The following MCF2 variants were observed in gnomAD, a reference collection of about 807,000 sequenced individuals.
The protein encoded by MCF2 is MCF.2 cell line derived transforming sequence, also known as proto-oncogene DBL.
MCF2 carries 44 observed loss-of-function variants against 82.5 expected under a neutral mutation model. That is an observed-to-expected ratio of 0.53 (90% CI 0.42 to 0.69). MCF2 has a LOEUF of 0.69. MCF2 is among the 30% of genes least tolerant of loss of function. The probability of loss-of-function intolerance (pLI) is 0.00; values close to 1 mark genes in which losing one functional copy is unlikely to be tolerated. For missense variants in MCF2, 623 were observed against 663.1 expected (o/e 0.94, Z 0.66); for synonymous variants, 217 against 224.9 (o/e 0.96, Z 0.32).
intron 1 of MCF2, among the ~76,000 whole-genome samples, chrX:139,660,153 A>G (rs1417746999): frequency 8.9e-6 from 1 of 111,823 alleles, no homozygotes; most frequent in Non-Finnish European, 1.9e-5. Flanking sequence ...AGATTCAGCA[A>G]AGCTTTTACC....
chrX:139,671,465 T>C (rs1484144177), intron 1 of MCF2, among the ~76,000 whole-genome samples: 2 of 111,931 alleles, frequency 1.8e-5, no homozygotes, highest in African/African-American at 6.5e-5. Flanking sequence ...TTTAAGTCTT[T>C]AATCCATCTT....
chrX:139,596,701 C>T lies in MCF2; in HGVS notation c.2125G>A (p.Gly709Ser). ...GCCAAATCCTTCATTTTTGTAGCAC[C>T]TTTCTTGTGCCCTATCCAAACGCTG... is the stretch of plus-strand genomic sequence containing the variant. The change falls in exon 19 of 25, where the codon GGT becomes AGT. Residue 709 changes from glycine (G) to serine (S), a missense_variant. By Grantham distance (56) the Gly-to-Ser change is moderately conservative. Coordinates refer to ENST00000370576, the Ensembl canonical transcript of MCF2. The T allele has an allele frequency of 3.3e-6, 4 of 1,209,722 alleles. No individual in the cohort carries two copies. The highest frequency in any genetic ancestry group is 4.5e-6 in the Non-Finnish European group (4 of 894,120).
At chrX:139,680,657 C>T (rs1432164021) in intron 1 of MCF2, among the ~76,000 whole-genome samples, 3 of 111,764 alleles carry the variant, frequency 2.7e-5, no homozygotes, top group African/African-American at 9.8e-5. Context: ...TTTATTATGG[C>T]ATCAGACCTT....
At chrX:139,598,188 G>A (rs989232335) in intron 17 of MCF2, among the ~76,000 whole-genome samples, 3 of 111,946 alleles carry the variant, frequency 2.7e-5, no homozygotes, top group Non-Finnish European at 5.6e-5. Context: ...AAATTAAATA[G>A]CTAAGATCCC....
At chrX:139,595,291 A>G (rs1366621364) in intron 19 of MCF2, among the ~76,000 whole-genome samples, 1 of 110,160 alleles carries the variant, frequency 9.1e-6, no homozygotes, top group Non-Finnish European at 1.9e-5. Flanking sequence ...TATTTATTGC[A>G]GCACTATTCA....
chrX:139,647,670 G>T (rs929226086), upstream of MCF2, among the ~76,000 whole-genome samples: 1 of 111,250 alleles, frequency 9.0e-6, no homozygotes, highest in African/African-American at 3.3e-5. Flanking sequence ...CAGGAATAAT[G>T]GTAACTGTCA....
chrX:139,654,619 C>T (rs1294610322), intron 1 of MCF2, among the ~76,000 whole-genome samples: 1 of 111,711 alleles, frequency 9.0e-6, no homozygotes, highest in African/African-American at 3.3e-5. Flanking sequence ...TGATTGTTTC[C>T]TTTGCTATGC....
chrX:139,648,908 CTGAT>C (rs769001047), intron 2 of MCF2, among the ~76,000 whole-genome samples: 1 of 112,033 alleles, frequency 8.9e-6, no homozygotes, highest in South Asian at 3.7e-4. Context: ...AAAGCAAAAA[CTGAT>C]AGAGTGGCAA....
chrX:139,615,751 AT>A (rs1203412161), intron 9 of MCF2, among the ~76,000 whole-genome samples: 1 of 112,076 alleles, frequency 8.9e-6, no homozygotes, highest in Non-Finnish European at 1.9e-5. Context: ...TCTTCATGTC[AT>A]TTCCAAGGGG....
chrX:139,667,891 C>T (rs566791509), intron 1 of MCF2, among the ~76,000 whole-genome samples: 1 of 112,123 alleles, frequency 8.9e-6, no homozygotes, highest in Non-Finnish European at 1.9e-5. Context: ...CATGCTGGCT[C>T]ATGCCTGTAA....
intron 1 of MCF2, among the ~76,000 whole-genome samples, chrX:139,659,822 C>G (rs769892608): frequency 2.1e-4 from 24 of 112,090 alleles, no homozygotes; most frequent in Non-Finnish European, 4.3e-4. Flanking sequence ...TCATTGCCAC[C>G]ACCAATATGA....
At chrX:139,601,099 A>G (rs966287953) in intron 16 of MCF2, among the ~76,000 whole-genome samples, 4 of 111,347 alleles carry the variant, frequency 3.6e-5, no homozygotes, top group Non-Finnish European at 7.6e-5. Flanking sequence ...TAGAAAGTAG[A>G]GTAATAAGAC....
At chrX:139,644,152 C>G (rs1360972239), upstream of MCF2, among the ~76,000 whole-genome samples, 4 of 112,184 alleles carry the variant, frequency 3.6e-5, no homozygotes, top group African/African-American at 1.3e-4. Context: ...TTACCTTTAT[C>G]TAAATAACAT....
At chrX:139,585,422 C>T (rs1928864279) in intron 23 of MCF2, among the ~76,000 whole-genome samples, 1 of 111,884 alleles carries the variant, frequency 8.9e-6, no homozygotes, top group Admixed American at 9.5e-5. Context: ...GGCATTAGTA[C>T]TATGCTCTCT....
At chrX:139,585,326 A>C in intron 23 of MCF2, 148 bp from the exon 28 acceptor site, 3 of 427,021 alleles carry the variant, frequency 7.0e-6, no homozygotes, top group East Asian at 3.8e-5. Context: ...AACAGATCTC[A>C]TCCTGGCCAC....
intron 1 of MCF2, among the ~76,000 whole-genome samples, chrX:139,697,211 G>A (rs1053821612): frequency 3.1e-4 from 35 of 112,144 alleles, no homozygotes; most frequent in Middle Eastern, 4.6e-3. Flanking sequence ...ACCAATGAAA[G>A]GTAGAGATTA....
intron 16 of MCF2, 36 bp from the exon 21 acceptor site, chrX:139,598,534 T>C: frequency 2.5e-6 from 2 of 811,269 alleles, no homozygotes; most frequent in Non-Finnish European, 3.5e-6. Flanking sequence ...AAAATTAAAT[T>C]AAGACATGTA....
exon 6 of MCF2, chrX:139,626,198 G>T (rs767800503): frequency 1.7e-6 from 2 of 1,168,267 alleles, no homozygotes; most frequent in East Asian, 3.0e-5. Flanking sequence ...CTGACCTGTT[G>T]AAAATCCTGC....
At chrX:139,702,954 C>G (rs1176584687) in intron 1 of MCF2, among the ~76,000 whole-genome samples, 1 of 112,301 alleles carries the variant, frequency 8.9e-6, no homozygotes, top group East Asian at 2.8e-4. Context: ...AAAGAGCTAC[C>G]TAGCCAAGGT....
Sources: allele counts gnomAD v4.1 joint callset (sites outside exome capture counted in the v4.1 genomes callset), GRCh38; gene constraint gnomAD v4.1.1; transcripts MANE v1.5; gene names NCBI Gene and HGNC (gene_info 2026-07-23, HGNC 2026-07-21).